Variants in SAMSN1 observed in about 807,000 individuals in gnomAD.
SAMSN1 encodes the protein SAM domain, SH3 domain and nuclear localization signals 1.
SAMSN1 carries 31 observed loss-of-function variants against 42.0 expected under a neutral mutation model. That is an observed-to-expected ratio of 0.74 (90% CI 0.55 to 1.00). The LOEUF (loss-of-function observed/expected upper bound fraction) is 1.00. Ranked by LOEUF, SAMSN1 falls within the 50% of genes least tolerant of loss-of-function variation. The probability of loss-of-function intolerance (pLI) is 0.00; values close to 1 mark genes in which losing one functional copy is unlikely to be tolerated. For missense variants in SAMSN1, 464 were observed against 439.4 expected, an observed-to-expected ratio of 1.06 and a Z score of -0.50; for synonymous variants, 178 against 151.9, an observed-to-expected ratio of 1.17 and a Z score of -1.26.
At chr21:14,586,567 A>C (rs116174800), upstream of SAMSN1, among the ~76,000 whole-genome samples, 774 of 152,320 alleles carry the variant, frequency 5.1e-3, 9 homozygotes, top group African/African-American at 0.017. Context: ...AGTTTTTATC[A>C]AGTCTAATTC....
chr21:14,585,818 T>C (rs1374444306), upstream of SAMSN1, among the ~76,000 whole-genome samples: 1 of 152,242 alleles, frequency 6.6e-6, no homozygotes, highest in Non-Finnish European at 1.5e-5. Context: ...ACATGTTTGA[T>C]ACTAGACTCA....
At chr21:14,653,049 A>C (rs1983861335) in intron 1 of SAMSN1, among the ~76,000 whole-genome samples, 1 of 152,078 alleles carries the variant, frequency 6.6e-6, no homozygotes. Flanking sequence ...AATGCTGGTG[A>C]AGATGTGGAG....
At chr21:14,522,765 A>T (rs1978577884) in intron 1 of SAMSN1, among the ~76,000 whole-genome samples, 1 of 152,246 alleles carries the variant, frequency 6.6e-6, no homozygotes, top group South Asian at 2.1e-4. Flanking sequence ...AAATTAATTT[A>T]AAAAATTAAC....
intron 1 of SAMSN1, among the ~76,000 whole-genome samples, chr21:14,544,273 AC>A (rs1980241333): frequency 6.6e-6 from 1 of 152,080 alleles, no homozygotes; most frequent in African/African-American, 2.4e-5. Flanking sequence ...CTGGGCTGGA[AC>A]TCCTGAACTC....
At chr21:14,519,490 C>T (rs1158677675) in intron 2 of SAMSN1, among the ~76,000 whole-genome samples, 1 of 151,908 alleles carries the variant, frequency 6.6e-6, no homozygotes, top group African/African-American at 2.4e-5. Context: ...TTCTCTCTCT[C>T]TCCATATATA....
intron 2 of SAMSN1, among the ~76,000 whole-genome samples, chr21:14,577,859 C>T (rs1232708232): frequency 1.3e-5 from 2 of 152,134 alleles, no homozygotes; most frequent in South Asian, 2.1e-4. Flanking sequence ...TTACCTTTCT[C>T]AATTTATATC....
intron 5 of SAMSN1, among the ~76,000 whole-genome samples, chr21:14,502,830 G>A (rs933207918): frequency 1.3e-5 from 2 of 152,038 alleles, no homozygotes; most frequent in African/African-American, 2.4e-5. Context: ...TTAATAGCAT[G>A]GAAGGGATCA....
chr21:14,532,360 A>G (rs1189217882), intron 1 of SAMSN1, among the ~76,000 whole-genome samples: 2 of 152,206 alleles, frequency 1.3e-5, no homozygotes, highest in East Asian at 3.8e-4. Flanking sequence ...AAGAACAGAC[A>G]TGTTTATGTG....
chr21:14,565,650 T>A (rs980378387), intron 2 of SAMSN1, among the ~76,000 whole-genome samples: 4 of 152,194 alleles, frequency 2.6e-5, no homozygotes, highest in Admixed American at 2.6e-4. Context: ...GAAAGCTTTA[T>A]TTTTCCCACC....
rs143296568 is a variant in SAMSN1 at position 14,556,201 on chromosome 21, G to A, written c.261+25935C>T. 3.3e-5 allele frequency among the ~76,000 whole-genome samples: 5 copies of A among 152,212 alleles called. No individual in the cohort carries two copies. The East Asian group carries it at 9.7e-4, about 29-fold the overall frequency. Reference sequence around the variant, plus strand: ...TCAAGAGTGACCAGATTATTTTTCAGGCCTGATCATTTGAAACTACATCAA... The same window carrying A: ...TCAAGAGTGACCAGATTATTTTTCAAGCCTGATCATTTGAAACTACATCAA... On this transcript the variant is annotated intron_variant, in intron 2 of 8. Coordinates refer to the SAMSN1 transcript ENST00000285670.
At chr21:14,498,655 T>A in intron 6 of SAMSN1, 63 bp from the exon 7 acceptor site, 1 of 1,356,386 alleles carries the variant, frequency 7.4e-7, no homozygotes, top group Non-Finnish European at 9.9e-7. Flanking sequence ...TAGTTCTCTT[T>A]AGATTTAAAG....
chr21:14,597,325 A>G (rs1265007984), intron 6 of SAMSN1, among the ~76,000 whole-genome samples: 1 of 152,134 alleles, frequency 6.6e-6, no homozygotes, highest in African/African-American at 2.4e-5. Flanking sequence ...TTCTACACGC[A>G]TCTCCCAAAA....
In SAMSN1 at chr21:14,602,100, C is replaced by A. The variant is rs1213736801; in HGVS notation, c.323-1G>T. On this transcript the variant is annotated splice_acceptor_variant, in intron 5 of 15. Coordinates refer to the SAMSN1 transcript ENST00000647101. LOFTEE classifies it high-confidence loss of function. Reference sequence around the variant, plus strand: ...CTTAGAAAATCATCTTCATTTAGATCTAAGAAAAGAGATAACTGTTACATA... The same window carrying A: ...CTTAGAAAATCATCTTCATTTAGATATAAGAAAAGAGATAACTGTTACATA... The A allele has an allele frequency of 3.0e-6, 2 of 660,564 alleles. No individual in the cohort carries two copies. The highest frequency in any genetic ancestry group is 5.6e-6 in the Non-Finnish European group (2 of 355,174). The allele number at this position is 660,564 out of a possible 1,614,324, so 40.9% of individuals were successfully genotyped here.
chr21:14,540,271 C>T (rs577545982), intron 1 of SAMSN1, among the ~76,000 whole-genome samples: 43 of 152,266 alleles, frequency 2.8e-4, no homozygotes, highest in Admixed American at 2.5e-3. Context: ...GCAATGGCAA[C>T]AAAAGCCAAA....
chr21:14,585,912 A>C (rs954102634), upstream of SAMSN1, among the ~76,000 whole-genome samples: 2 of 152,244 alleles, frequency 1.3e-5, no homozygotes, highest in African/African-American at 4.8e-5. Context: ...TTTAGAGTTA[A>C]TATTATTATA....
chr21:14,630,006 CTTA>C (rs1308773156), intron 2 of SAMSN1, among the ~76,000 whole-genome samples: 2 of 152,136 alleles, frequency 1.3e-5, no homozygotes, highest in South Asian at 2.1e-4. Context: ...TTTCCTGCCA[CTTA>C]TTATCTTCTT....
intron 5 of SAMSN1, 84 bp from the exon 6 acceptor site, chr21:14,500,819 G>C (rs2123689175): frequency 9.3e-7 from 1 of 1,077,872 alleles, no homozygotes; most frequent in South Asian, 1.3e-5. Flanking sequence ...CTAGAATAAT[G>C]AGGACATTAT....
upstream of SAMSN1, among the ~76,000 whole-genome samples, chr21:14,584,719 C>A (rs967416993): frequency 6.6e-6 from 1 of 152,198 alleles, no homozygotes; most frequent in African/African-American, 2.4e-5. Context: ...TTGTCTCATT[C>A]TTTCCATTGA....
chr21:14,649,117 G>T (rs913484955), intron 1 of SAMSN1, among the ~76,000 whole-genome samples: 7 of 152,042 alleles, frequency 4.6e-5, no homozygotes, highest in Non-Finnish European at 8.8e-5. Flanking sequence ...CATGTCCTTT[G>T]TAGGGACATG....
Sources: allele counts gnomAD v4.1 joint callset (sites outside exome capture counted in the v4.1 genomes callset), GRCh38; gene constraint gnomAD v4.1.1; transcripts MANE v1.5; gene names NCBI Gene and HGNC (gene_info 2026-07-23, HGNC 2026-07-21).